The following FNDC3A variants were observed in gnomAD, a reference collection of about 807,000 sequenced individuals.
The protein encoded by FNDC3A is fibronectin type III domain containing 3A, also known as fibronectin type-III domain-containing protein 3A.
Under a neutral mutation model 148.9 loss-of-function variants are expected in FNDC3A, and 32 were observed. The ratio of observed to expected loss-of-function variants is 0.21; its 90% confidence interval spans 0.16 to 0.29. The LOEUF is 0.29. FNDC3A is among the 10% of genes least tolerant of loss of function. The pLI is 1.00. For missense variants in FNDC3A, 1,191 were observed against 1,452.8 expected, an observed-to-expected ratio of 0.82 and a Z score of 2.93; for synonymous variants, 472 against 473.6, an observed-to-expected ratio of 1.00 and a Z score of 0.04.
chr13:49,169,975 C>G (rs138192635), intron 10 of FNDC3A, among the ~76,000 whole-genome samples: 212 of 152,242 alleles, frequency 1.4e-3, no homozygotes, highest in African/African-American at 4.9e-3. Context: ...GGTAGCAGCC[C>G]ATTGTTGTTT....
intron 5 of FNDC3A, among the ~76,000 whole-genome samples, chr13:49,131,724 C>G (rs1281807601): frequency 6.6e-6 from 1 of 152,166 alleles, no homozygotes; most frequent in Non-Finnish European, 1.5e-5. Flanking sequence ...TGTGATGCCA[C>G]TACACAAAGC....
At chr13:49,094,869 A>G (rs1271962328) in intron 3 of FNDC3A, among the ~76,000 whole-genome samples, 2 of 152,090 alleles carry the variant, frequency 1.3e-5, no homozygotes, top group Non-Finnish European at 2.9e-5. Context: ...TGCTTTAATC[A>G]GGACCATTTA....
At chr13:49,005,907 A>C (rs1457999591) in intron 1 of FNDC3A, among the ~76,000 whole-genome samples, 2 of 151,932 alleles carry the variant, frequency 1.3e-5, no homozygotes, top group Non-Finnish European at 2.9e-5. Flanking sequence ...GAGCCTGCTG[A>C]TATTCGCTTT....
chr13:49,110,050 C>T (rs1220365269), intron 3 of FNDC3A, among the ~76,000 whole-genome samples: 1 of 152,152 alleles, frequency 6.6e-6, no homozygotes, highest in African/African-American at 2.4e-5. Flanking sequence ...AATCATTGTA[C>T]ATCAAATATA....
At chr13:49,086,493 A>G (rs919148136) in intron 3 of FNDC3A, among the ~76,000 whole-genome samples, 1 of 152,198 alleles carries the variant, frequency 6.6e-6, no homozygotes, top group African/African-American at 2.4e-5. Flanking sequence ...AATAATACGG[A>G]GATTGATATT....
intron 1 of FNDC3A, among the ~76,000 whole-genome samples, chr13:48,983,898 A>AG (rs903822690): frequency 2.6e-5 from 4 of 152,178 alleles, no homozygotes; most frequent in African/African-American, 7.2e-5. Flanking sequence ...CTGTAAATAA[A>AG]GGGGGGAAAT....
At chr13:49,006,357 A>G in intron 2 of FNDC3A, 68 bp downstream of exon 2, 1 of 773,420 alleles carries the variant, frequency 1.3e-6, no homozygotes. Context: ...TTTAAAACAG[A>G]TCACAATAGT....
intron 8 of FNDC3A, among the ~76,000 whole-genome samples, chr13:49,157,917 T>C (rs1883811771): frequency 7.0e-6 from 1 of 143,236 alleles, no homozygotes; most frequent in Non-Finnish European, 1.5e-5. Context: ...ACCACTGCTC[T>C]CTTCAAAGCT....
At chr13:49,189,119 A>C (rs1416102487) in intron 17 of FNDC3A, among the ~76,000 whole-genome samples, 1 of 152,156 alleles carries the variant, frequency 6.6e-6, no homozygotes, top group African/African-American at 2.4e-5. Context: ...TGTACCATTG[A>C]TATAAAGACA....
chr13:49,136,409 T>C lies in FNDC3A; in HGVS notation c.568T>C (p.Leu190=), dbSNP rs755840596. ...AACATATGAACGTTTGCAGAAAAAATTGAAGGATCGCCAAGGAACACAGAA... is the reference window on the plus strand; with the variant it reads ...AACATATGAACGTTTGCAGAAAAAACTGAAGGATCGCCAAGGAACACAGAA... ...SKTYERLQKK[L]KDRQGTQKDK... The change falls in exon 6 of 26, where the codon TTG becomes CTG. Residue 190 remains leucine (L), a synonymous_variant. Transcript: ENST00000492622. 3 of 1,613,792 alleles carry C rather than the reference T, an allele frequency of 1.9e-6. No homozygotes were observed. The highest frequency in any genetic ancestry group is 1.3e-5 in the African/African-American group (1 of 74,844).
At chr13:49,006,367 T>A in intron 2 of FNDC3A, 78 bp downstream of exon 2, 1 of 651,152 alleles carries the variant, frequency 1.5e-6, no homozygotes, top group Non-Finnish European at 2.6e-6. Flanking sequence ...ATCACAATAG[T>A]GAGTTCCTGT....
At chr13:49,084,526 T>A (rs1878679458) in intron 3 of FNDC3A, among the ~76,000 whole-genome samples, 1 of 152,244 alleles carries the variant, frequency 6.6e-6, no homozygotes, top group Admixed American at 6.5e-5. Flanking sequence ...AGATATCACC[T>A]GGGTGATGAT....
chr13:49,089,746 C>CT (rs1270561019), intron 3 of FNDC3A, among the ~76,000 whole-genome samples: 1 of 152,178 alleles, frequency 6.6e-6, no homozygotes, highest in Non-Finnish European at 1.5e-5. Context: ...GTTCACGCTT[C>CT]TTTTTTTGCC....
intron 13 of FNDC3A, among the ~76,000 whole-genome samples, chr13:49,178,221 C>T (rs1432619273): frequency 6.6e-6 from 1 of 152,172 alleles, no homozygotes; most frequent in East Asian, 1.9e-4. Context: ...AGCTCTTGCA[C>T]GATGTCTCTG....
rs185764033 is a variant in FNDC3A at position 49,111,259 on chromosome 13, G to T, written c.176-3396G>T. Among the ~76,000 whole-genome samples the T allele has an allele frequency of 2.7e-3, 417 of 152,188 alleles. 7 individuals are homozygous for T. The highest frequency in any genetic ancestry group is 0.024 in the Admixed American group (362 of 15,274). ...TAAATATGCAAGGCTTTAAGGTTTC[G>T]CTACTATAGACACAGGAGTAACAAC... On this transcript the variant is annotated intron_variant, in intron 3 of 25. Transcript: ENST00000492622.
chr13:49,185,912 G>C, intron 14 of FNDC3A, 52 bp from the exon 15 acceptor site: 2 of 1,393,716 alleles, frequency 1.4e-6, no homozygotes, highest in Non-Finnish European at 2.0e-6. Flanking sequence ...TATTAAGCCA[G>C]TATCATTAGG....
chr13:48,978,948 A>G (rs1951650949), intron 1 of FNDC3A, among the ~76,000 whole-genome samples: 1 of 152,134 alleles, frequency 6.6e-6, no homozygotes. Flanking sequence ...CTTATTTCAG[A>G]TAATTATTCA....
intron 1 of FNDC3A, among the ~76,000 whole-genome samples, chr13:48,977,357 A>G (rs1367280010): frequency 6.6e-6 from 1 of 152,204 alleles, no homozygotes; most frequent in Non-Finnish European, 1.5e-5. Context: ...ATAATATTTT[A>G]TCACCATGCT....
At chr13:49,052,977 A>G (rs1875949988) in intron 2 of FNDC3A, among the ~76,000 whole-genome samples, 1 of 152,112 alleles carries the variant, frequency 6.6e-6, no homozygotes, top group Non-Finnish European at 1.5e-5. Context: ...CTACTGAGTC[A>G]TACAGGTCAC....
Sources: gnomAD v4.1 joint callset for allele counts (sites outside exome capture counted in the v4.1 genomes callset) on GRCh38, gnomAD v4.1.1 for gene constraint, MANE v1.5 for transcripts, NCBI Gene and HGNC (gene_info 2026-07-23, HGNC 2026-07-21) for gene names.